MMS19: variants seen among roughly 807,000 people sequenced by gnomAD.
MMS19 encodes the protein MMS19 cytosolic iron-sulfur assembly component, also known as MMS19 nucleotide excision repair protein homolog.
Under a neutral mutation model 129.8 loss-of-function variants are expected in MMS19, and 77 were observed. The observed-to-expected ratio is 0.59, with a 90% confidence interval of 0.49 to 0.72. The LOEUF (loss-of-function observed/expected upper bound fraction) is 0.72. Among genes scored for constraint, MMS19 ranks in the 30% least tolerant of loss-of-function variants. The pLI is 0.00. For missense variants in MMS19, 1,168 were observed against 1,266.3 expected, an observed-to-expected ratio of 0.92 and a Z score of 1.18; for synonymous variants, 491 against 502.8, an observed-to-expected ratio of 0.98 and a Z score of 0.31.
chr10:97,476,624 G>C (rs2035828927), intron 8 of MMS19, 59 bp downstream of exon 8: 3 of 1,529,844 alleles, frequency 2.0e-6, no homozygotes, highest in Admixed American at 3.5e-5. Flanking sequence ...CCAGAACAGG[G>C]CTTGGCACAT....
chr10:97,488,291 T>C (rs967119949), intron 1 of MMS19, among the ~76,000 whole-genome samples: 6 of 152,230 alleles, frequency 3.9e-5, no homozygotes, highest in Non-Finnish European at 8.8e-5. Flanking sequence ...CAATATATTA[T>C]GTTTGGTCAT....
intron 1 of MMS19, among the ~76,000 whole-genome samples, 153 bp downstream of exon 1, chr10:97,498,120 G>C (rs961992272): frequency 1.3e-5 from 2 of 152,200 alleles, no homozygotes; most frequent in East Asian, 1.9e-4. Flanking sequence ...TCTCTAACTT[G>C]TTACGGCTCT....
intron 20 of MMS19, 55 bp downstream of exon 20, chr10:97,462,528 C>A: frequency 7.5e-7 from 1 of 1,331,310 alleles, no homozygotes; most frequent in South Asian, 1.2e-5. Context: ...GTTGCTTCTT[C>A]CTAAGAATGC....
At chr10:97,489,336 T>C (rs1589788874) in intron 1 of MMS19, among the ~76,000 whole-genome samples, 1 of 152,334 alleles carries the variant, frequency 6.6e-6, no homozygotes. Flanking sequence ...CTAATAACAT[T>C]TGTTGCCTTC....
At chr10:97,490,582 C>T (rs999639313) in intron 1 of MMS19, among the ~76,000 whole-genome samples, 1 of 152,168 alleles carries the variant, frequency 6.6e-6, no homozygotes, top group Admixed American at 6.5e-5. Flanking sequence ...AATCCACCTA[C>T]CTCTAAATGC....
In MMS19 at chr10:97,491,803, T is replaced by C. The variant is rs930563200; in HGVS notation, c.112+6470A>G. Among the ~76,000 whole-genome samples, 4 of 152,158 alleles carry C rather than the reference T, an allele frequency of 2.6e-5. No individual in the cohort carries two copies. In the South Asian group the frequency reaches 6.2e-4, roughly 24 times the overall value. ...TCCTGGCAAAGCCCTTTAGTCTTCA[T>C]ATAGCTTTCACAAAATTCTTGAATT... On this transcript the variant is annotated intron_variant, in intron 1 of 30. Coordinates refer to ENST00000438925, the MANE Select transcript of MMS19 (RefSeq NM_022362.5).
At chr10:97,483,462 T>C (rs2037259282) in intron 2 of MMS19, among the ~76,000 whole-genome samples, 1 of 152,212 alleles carries the variant, frequency 6.6e-6, no homozygotes, top group South Asian at 2.1e-4. Flanking sequence ...TGTTTTTTAA[T>C]TTCCCCCAGT....
rs777192078 is a variant in MMS19 at position 97,466,881 on chromosome 10, A to C, written c.1318T>G (p.Phe440Val). Residue 440 changes from phenylalanine (F) to valine (V), a missense_variant, in exon 15 of 31, where the codon TTC becomes GTC. Phe to Val is a conservative substitution (Grantham distance 50). Around this residue, in one of 3 missense-constraint regions of MMS19, gnomAD observed 831 missense variants for 910.8 expected, o/e 0.91. Transcript: ENST00000438925. Reference sequence around the variant, plus strand: ...ACCAGTGAGCACAGCTGGTCCTTGAAGCCATTCAGAGGCCTTTGATCTAGG... The same window carrying C: ...ACCAGTGAGCACAGCTGGTCCTTGACGCCATTCAGAGGCCTTTGATCTAGG... ...EDKDQRPLNG[F>V]KDQLCSLVFM... 3 of 1,613,952 alleles carry C rather than the reference A, an allele frequency of 1.9e-6. No individual in the cohort carries two copies. In the South Asian group the frequency reaches 3.3e-5, roughly 18 times the overall value.
intron 8 of MMS19, among the ~76,000 whole-genome samples, chr10:97,473,283 G>A (rs563734112): frequency 3.0e-4 from 45 of 152,082 alleles, no homozygotes; most frequent in African/African-American, 1.1e-3. Context: ...TGATCCACCC[G>A]CCTCGGCCTC....
Position 97,476,748 on chromosome 10 carries a change from T to A in MMS19, c.623-4A>T. 6.2e-7 allele frequency: 1 copy of A among 1,613,858 alleles called. No homozygotes were observed. Among genetic ancestry groups the A allele is most frequent in the Non-Finnish European group, 8.5e-7 (1 of 1,179,852 alleles). On this transcript the variant is annotated splice_polypyrimidine_tract_variant and splice_region_variant and intron_variant, in intron 7 of 30. Transcript: ENST00000438925. ...AACAACTCCTCCACAAAGGGTCCTG[T>A]GGCAACAGAGAAAAAATGAGGTTGG...
chr10:97,473,002 C>A (rs770469782), intron 8 of MMS19, among the ~76,000 whole-genome samples: 7 of 152,054 alleles, frequency 4.6e-5, no homozygotes, highest in Admixed American at 2.0e-4. Flanking sequence ...GGACTGCAGA[C>A]ATGTGCAACT....
At chr10:97,477,146 C>T (rs2135402877) in intron 6 of MMS19, 183 bp from the exon 7 acceptor site, 1 of 1,476,696 alleles carries the variant, frequency 6.8e-7, no homozygotes. Flanking sequence ...GCTGTGGAGG[C>T]AAGAATTTAA....
intron 13 of MMS19, among the ~76,000 whole-genome samples, chr10:97,467,806 GAT>G (rs2033828392): frequency 6.6e-6 from 1 of 151,690 alleles, no homozygotes; most frequent in African/African-American, 2.4e-5. Flanking sequence ...TGGGACTACA[GAT>G]GCGTGCCACC....
At position 97,498,285 on chromosome 10, in the gene MMS19, G is replaced by A; in HGVS notation, c.100C>T (p.Gln34Ter). 1 of 1,567,802 alleles carries A rather than the reference G, an allele frequency of 6.4e-7. No individual in the cohort carries two copies. The highest frequency in any genetic ancestry group is 8.6e-7 in the Non-Finnish European group (1 of 1,164,024). ...VVGQQEGPAD[Q>*]VAADVKSGNY... ...CCGTCTGCCGTACCTGCAGCCACCTGGTCAGCGGGGCCCTCTTGCTGACCC... is the reference window on the plus strand; with the variant it reads ...CCGTCTGCCGTACCTGCAGCCACCTAGTCAGCGGGGCCCTCTTGCTGACCC... The change falls in exon 1 of 31, where the codon CAG becomes TAG. Residue 34 changes from glutamine (Q) to a stop codon, truncating the protein, a stop_gained. Coordinates refer to ENST00000438925, the MANE Select transcript of MMS19 (RefSeq NM_022362.5). LOFTEE classifies it high-confidence loss of function.
chr10:97,481,935 T>G (rs536780042), intron 2 of MMS19, among the ~76,000 whole-genome samples: 11 of 152,268 alleles, frequency 7.2e-5, no homozygotes, highest in Admixed American at 7.2e-4. Context: ...CCCAGAATTT[T>G]GGGAGACAGA....
rs569082943 is a variant in MMS19 at position 97,497,985 on chromosome 10, G to C, written c.112+288C>G. 3.3e-5 allele frequency among the ~76,000 whole-genome samples: 5 copies of C among 152,330 alleles called. No homozygotes were observed. In the South Asian group the frequency reaches 1.0e-3, roughly 32 times the overall value. ...ACCTCCCCCTCCTGCCTGGTCTGCA[G>C]CCCTGCGCAAGTCCTCTTGCCCTCG... On this transcript the variant is annotated intron_variant, in intron 1 of 30. Coordinates refer to ENST00000438925, the MANE Select transcript of MMS19 (RefSeq NM_022362.5).
intron 8 of MMS19, among the ~76,000 whole-genome samples, chr10:97,471,492 A>C (rs1043519199): frequency 1.3e-5 from 2 of 152,056 alleles, no homozygotes; most frequent in African/African-American, 2.4e-5. Context: ...AACATAGTAA[A>C]AGAAGGGATT....
At position 97,498,409 on chromosome 10, in the gene MMS19, G is replaced by T; in HGVS notation, c.-25C>A. 6.3e-7 allele frequency: 1 copy of T among 1,576,250 alleles called. No homozygotes were observed. Among genetic ancestry groups the T allele is most frequent in the Middle Eastern group, 1.7e-4 (1 of 6,032 alleles). Reference sequence around the variant, plus strand: ...TAACGCGAACTAGAGACCGTGGGAGGGGATATGGGCGGTGGCTCGAGACGG... The same window carrying T: ...TAACGCGAACTAGAGACCGTGGGAGTGGATATGGGCGGTGGCTCGAGACGG... On this transcript the variant is annotated 5_prime_UTR_variant, in exon 1 of 31. Coordinates refer to ENST00000438925, the MANE Select transcript of MMS19 (RefSeq NM_022362.5).
chr10:97,498,221 G>C, intron 1 of MMS19, 52 bp downstream of exon 1: 1 of 1,490,276 alleles, frequency 6.7e-7, no homozygotes, highest in Non-Finnish European at 8.9e-7. Context: ...TACTGAGGCC[G>C]CTCCCTCCTG....
Sources: gnomAD v4.1 joint callset for allele counts (sites outside exome capture counted in the v4.1 genomes callset) on GRCh38, gnomAD v4.1.1 for gene constraint, gnomAD v4.1.1 regional missense constraint, MANE v1.5 for transcripts, NCBI Gene and HGNC (gene_info 2026-07-23, HGNC 2026-07-21) for gene names.